GABRG1: variants seen among roughly 807,000 people sequenced by gnomAD.
The protein encoded by GABRG1 is gamma-aminobutyric acid type A receptor subunit gamma1.
Under a neutral mutation model 49.8 loss-of-function variants are expected in GABRG1, and 49 were observed. The observed-to-expected ratio is 0.98, with a 90% CI of 0.78 to 1.25. The LOEUF is 1.25. Ranked by LOEUF, GABRG1 falls within the 50% of genes most tolerant of loss-of-function variation. The probability of loss-of-function intolerance (pLI) is 0.00; values close to 1 mark genes in which losing one functional copy is unlikely to be tolerated. For synonymous variants in GABRG1, 232 were observed against 185.1 expected, an observed-to-expected ratio of 1.25 and a Z score of -2.06; for missense variants, 552 against 552.3, an observed-to-expected ratio of 1.00 and a Z score of 0.01.
intron 1 of GABRG1, among the ~76,000 whole-genome samples, chr4:46,101,560 C>T (rs572012222): frequency 2.2e-4 from 33 of 151,554 alleles, no homozygotes; most frequent in South Asian, 1.0e-3. Flanking sequence ...GAGATAATAC[C>T]GTGTACTAAA....
Position 46,058,256 on chromosome 4 carries a change from A to G in GABRG1, c.877T>C (p.Trp293Arg). The change falls in exon 7 of 9, where the codon TGG becomes CGG. Residue 293 changes from tryptophan (W) to arginine (R), a missense_variant. Coordinates refer to ENST00000295452, the MANE Select transcript of GABRG1 (RefSeq NM_173536.4). Reference sequence around the variant, plus strand: ...GCAGGCACTGCATCTTTATTGATCCAAAAAGACACCCAAGAAAGAACAACT... The same window carrying G: ...GCAGGCACTGCATCTTTATTGATCCGAAAAGACACCCAAGAAAGAACAACT... ...LTVVLSWVSF[W>R]INKDAVPART... 3.7e-6 allele frequency: 6 copies of G among 1,613,116 alleles called. No homozygotes were observed. The highest frequency in any genetic ancestry group is 5.1e-6 in the Non-Finnish European group (6 of 1,179,400).
At chr4:46,074,255 G>T (rs1353473585) in intron 3 of GABRG1, among the ~76,000 whole-genome samples, 2 of 152,134 alleles carry the variant, frequency 1.3e-5, no homozygotes, top group East Asian at 1.9e-4. Context: ...GTCTGAATTA[G>T]TCTGTCCATC....
rs41305775 is a variant in GABRG1, at chr4:46,123,916, G to A, written c.-3C>T. On this transcript the variant is annotated 5_prime_UTR_variant, in exon 1 of 9. Transcript: ENST00000295452. The stretch of plus-strand genomic sequence containing the variant: ...AGAAAAGCTTTCAAAGGACCCATCG[G>A]AATCGCTTTTTTACGTGTGCTGCAC... The A allele has an allele frequency of 2.0e-5, 32 of 1,612,320 alleles. 1 individual carries two copies. In the South Asian group the frequency reaches 3.5e-4, roughly 18 times the overall value.
chr4:46,103,272 T>C (rs1324001332), intron 1 of GABRG1, among the ~76,000 whole-genome samples: 5 of 115,718 alleles, frequency 4.3e-5, no homozygotes, highest in Admixed American at 8.4e-5. Flanking sequence ...TAATTGCAAG[T>C]GAAATTGATT....
intron 7 of GABRG1, among the ~76,000 whole-genome samples, chr4:46,057,582 T>G (rs1441138290): frequency 6.6e-6 from 1 of 152,112 alleles, no homozygotes; most frequent in Non-Finnish European, 1.5e-5. Flanking sequence ...AATAGATTGT[T>G]ACAGAAAAAT....
At chr4:46,091,497 G>A (rs550111834) in intron 2 of GABRG1, among the ~76,000 whole-genome samples, 1 of 152,074 alleles carries the variant, frequency 6.6e-6, no homozygotes, top group South Asian at 2.1e-4. Context: ...AATGATCAAA[G>A]ATTTTAAAAT....
chr4:46,089,827 G>C (rs1318329397), intron 2 of GABRG1, among the ~76,000 whole-genome samples: 1 of 151,986 alleles, frequency 6.6e-6, no homozygotes, highest in Non-Finnish European at 1.5e-5. Flanking sequence ...GCTGTGCGGG[G>C]TGTGGCACGC....
chr4:46,088,815 T>TGTG (rs35197192), intron 2 of GABRG1, among the ~76,000 whole-genome samples: 2,521 of 131,616 alleles, frequency 0.019, 38 homozygotes, highest in East Asian at 0.047. Context: ...TTGTGTGTGT[T>TGTG]TGTGTGTGTG....
At chr4:46,110,359 C>T (rs1054658649) in intron 1 of GABRG1, among the ~76,000 whole-genome samples, 1 of 150,870 alleles carries the variant, frequency 6.6e-6, no homozygotes, top group East Asian at 2.0e-4. Flanking sequence ...TCTGTTTGCC[C>T]ATTAAAACTT....
At chr4:46,041,348 G>C (rs1717776279) in intron 8 of GABRG1, 94 bp from the exon 9 acceptor site, 7 of 1,059,810 alleles carry the variant, frequency 6.6e-6, no homozygotes, top group Non-Finnish European at 8.0e-6. Context: ...GAGACTGACA[G>C]GTAATGAAAA....
intron 1 of GABRG1, among the ~76,000 whole-genome samples, chr4:46,106,489 T>A (rs915029259): frequency 6.6e-6 from 1 of 151,498 alleles, no homozygotes; most frequent in Admixed American, 6.6e-5. Flanking sequence ...TTTGCCATTG[T>A]TTTATTTTGC....
intron 1 of GABRG1, among the ~76,000 whole-genome samples, chr4:46,118,125 T>C (rs1720984163): frequency 8.2e-6 from 1 of 121,840 alleles, no homozygotes; most frequent in Non-Finnish European, 1.6e-5. Context: ...TATATACGTG[T>C]GTGTGTGTAT....
intron 3 of GABRG1, among the ~76,000 whole-genome samples, chr4:46,072,159 T>C (rs1410351447): frequency 3.9e-5 from 6 of 152,128 alleles, no homozygotes. Context: ...CCTGTGACAT[T>C]CAGTTTAATA....
rs1717690758 is a variant in GABRG1, at chr4:46,039,923, C to G, written c.*1065G>C. 6.6e-6 allele frequency: 1 copy of G among 151,560 alleles called. No individual in the cohort carries two copies. The highest frequency in any genetic ancestry group is 1.5e-5 in the Non-Finnish European group (1 of 67,748). The allele number at this position is 151,560 out of a possible 1,614,324, so 9.4% of individuals were successfully genotyped here. ...ACTGACAGGGTCCAAAACTTTGGAG[C>G]TGGAAGAGGCAATATGTAACGCAGG... On this transcript the variant is annotated 3_prime_UTR_variant, in exon 9 of 9. Transcript: ENST00000295452.
intron 8 of GABRG1, among the ~76,000 whole-genome samples, chr4:46,047,308 C>T (rs1426081853): frequency 6.6e-6 from 1 of 152,072 alleles, no homozygotes; most frequent in Non-Finnish European, 1.5e-5. Flanking sequence ...ACATAGTTCC[C>T]TCTATCTTAA....
chr4:46,064,667 A>G, intron 4 of GABRG1, 144 bp from the exon 5 acceptor site: 1 of 402,684 alleles, frequency 2.5e-6, no homozygotes, highest in Non-Finnish European at 4.5e-6. Flanking sequence ...AAAGTCTCAA[A>G]GTCTTAAATA....
intron 3 of GABRG1, among the ~76,000 whole-genome samples, chr4:46,073,832 C>T (rs1719226950): frequency 6.6e-6 from 1 of 152,040 alleles, no homozygotes; most frequent in Non-Finnish European, 1.5e-5. Context: ...AAATACTGTA[C>T]TGAAAGTTCT....
intron 5 of GABRG1, among the ~76,000 whole-genome samples, chr4:46,062,902 T>C (rs1372466443): frequency 6.6e-6 from 1 of 151,802 alleles, no homozygotes; most frequent in East Asian, 1.9e-4. Context: ...AAATCATGAG[T>C]GAACTCCCAT....
At chr4:46,108,690 C>A (rs1166134827) in intron 1 of GABRG1, among the ~76,000 whole-genome samples, 1 of 150,738 alleles carries the variant, frequency 6.6e-6, no homozygotes, top group Non-Finnish European at 1.5e-5. Context: ...AGTTAGCACT[C>A]AATTATTATT....
Sources: allele counts gnomAD v4.1 joint callset (sites outside exome capture counted in the v4.1 genomes callset), GRCh38; gene constraint gnomAD v4.1.1; transcripts MANE v1.5; gene names NCBI Gene and HGNC (gene_info 2026-07-23, HGNC 2026-07-21).